The following DACH2 variants were observed in gnomAD, a reference collection of about 807,000 sequenced individuals.
DACH2 encodes the protein dachshund homolog 2.
Under a neutral mutation model 35.8 loss-of-function variants are expected in DACH2, and 17 were observed. The ratio of observed to expected loss-of-function variants is 0.48; its 90% CI spans 0.33 to 0.71. DACH2 has a LOEUF of 0.71. Ranked by LOEUF, DACH2 falls within the 30% of genes least tolerant of loss-of-function variation. The pLI is 0.02. For synonymous variants in DACH2, 195 were observed against 177.3 expected (o/e 1.10, Z -0.79); for missense variants, 469 against 472.7 (o/e 0.99, Z 0.07).
chrX:86,231,990 TCTC>T (rs2032958874), intron 1 of DACH2, among the ~76,000 whole-genome samples: 1 of 110,983 alleles, frequency 9.0e-6, no homozygotes, highest in Admixed American at 9.6e-5. Context: ...AGTTGGAACA[TCTC>T]CTGCAAACAG....
chrX:86,210,497 T>G (rs926944835), intron 1 of DACH2, among the ~76,000 whole-genome samples: 1 of 111,819 alleles, frequency 8.9e-6, no homozygotes, highest in East Asian at 2.8e-4. Flanking sequence ...AGTAGTAACT[T>G]TATTGTTGTT....
intron 1 of DACH2, among the ~76,000 whole-genome samples, chrX:86,181,556 G>A (rs2031496351): frequency 9.0e-6 from 1 of 111,591 alleles, no homozygotes; most frequent in South Asian, 3.8e-4. Flanking sequence ...TGGTGTATAT[G>A]TGCCACATTT....
rs772662061 is a variant in DACH2 at position 86,297,069 on chromosome X, A to ATATATATG, written c.489-79753_489-79752insTATATGTA. On this transcript the variant is annotated intron_variant, in intron 1 of 11. Coordinates refer to ENST00000373125, the MANE Select transcript of DACH2 (RefSeq NM_053281.3). The stretch of plus-strand genomic sequence containing the variant: ...TATATATATATATATATATATATAT[A>ATATATATG]TAATTAGAGCACTTAACACAATGAA... 8.3e-3 allele frequency among the ~76,000 whole-genome samples: 825 copies of ATATATATG among 98,877 alleles called. 5 individuals are homozygous for ATATATATG. The highest frequency in any genetic ancestry group is 0.012 in the Non-Finnish European group (575 of 48,842). 85.9% of individuals were successfully genotyped at this position (98,877 alleles called of 115,157 possible). A position where few individuals can be genotyped will look rare whatever the true frequency, so the allele number is the denominator to read the frequency against.
At chrX:86,422,766 A>C (rs938209709) in intron 2 of DACH2, among the ~76,000 whole-genome samples, 17 of 110,657 alleles carry the variant, frequency 1.5e-4, no homozygotes, top group African/African-American at 5.6e-4. Context: ...GGTCTTATTC[A>C]TTTATTCTAT....
chrX:86,278,477 A>C (rs779964925), intron 1 of DACH2, among the ~76,000 whole-genome samples: 9 of 112,212 alleles, frequency 8.0e-5, no homozygotes, highest in Admixed American at 2.8e-4. Context: ...ATGGATTCTT[A>C]TGCTACAGGA....
intron 3 of DACH2, among the ~76,000 whole-genome samples, chrX:86,546,562 C>T (rs1304114744): frequency 2.1e-5 from 2 of 96,766 alleles, no homozygotes; most frequent in Non-Finnish European, 4.1e-5. Flanking sequence ...TCACCCAGGC[C>T]GTAGTGCAAT....
chrX:86,718,981 G>A (rs1397507786), intron 6 of DACH2, among the ~76,000 whole-genome samples: 1 of 111,915 alleles, frequency 8.9e-6, no homozygotes, highest in Non-Finnish European at 1.9e-5. Context: ...AGTTCCATAT[G>A]ATTTTGAGGA....
intron 7 of DACH2, among the ~76,000 whole-genome samples, chrX:86,760,736 A>G (rs964933600): frequency 9.1e-6 from 1 of 109,866 alleles, no homozygotes; most frequent in African/African-American, 3.3e-5. Context: ...GTTGCTTAAG[A>G]ATTATTTTGT....
At chrX:86,581,555 A>G (rs927011867) in intron 3 of DACH2, among the ~76,000 whole-genome samples, 4 of 111,972 alleles carry the variant, frequency 3.6e-5, no homozygotes, top group African/African-American at 6.5e-5. Context: ...AACAGAAAAC[A>G]AAACAAAACA....
chrX:86,307,206 T>C (rs2034706793), intron 1 of DACH2, among the ~76,000 whole-genome samples: 1 of 111,866 alleles, frequency 8.9e-6, no homozygotes, highest in Non-Finnish European at 1.9e-5. Context: ...GTCTCCTGGC[T>C]TCAGAAGCAG....
At chrX:86,805,365 T>C (rs2042333732) in intron 7 of DACH2, among the ~76,000 whole-genome samples, 2 of 112,689 alleles carry the variant, frequency 1.8e-5, no homozygotes, top group East Asian at 5.7e-4. Flanking sequence ...CACAGGGCTG[T>C]GTGGCCCTGG....
chrX:86,375,824 G>T (rs898024324), intron 1 of DACH2, among the ~76,000 whole-genome samples: 4 of 109,895 alleles, frequency 3.6e-5, no homozygotes, highest in Non-Finnish European at 7.6e-5. Context: ...CAAAACAGAT[G>T]ATATTTTCAT....
At chrX:86,501,829 G>C (rs778458536) in intron 2 of DACH2, among the ~76,000 whole-genome samples, 1 of 111,297 alleles carries the variant, frequency 9.0e-6, no homozygotes, top group Non-Finnish European at 1.9e-5. Flanking sequence ...GTGCTAATTG[G>C]TAACCCTGCC....
intron 2 of DACH2, among the ~76,000 whole-genome samples, chrX:86,433,298 T>C (rs986083150): frequency 1.8e-5 from 2 of 111,669 alleles, no homozygotes; most frequent in African/African-American, 3.2e-5. Flanking sequence ...TGTAGTAAGA[T>C]CTAGACAAAT....
intron 1 of DACH2, among the ~76,000 whole-genome samples, chrX:86,214,405 T>C (rs2032521553): frequency 8.9e-6 from 1 of 112,218 alleles, no homozygotes; most frequent in Non-Finnish European, 1.9e-5. Flanking sequence ...TTGTCACCTA[T>C]GTGACTCACA....
At chrX:86,487,441 G>A (rs953928124) in intron 2 of DACH2, among the ~76,000 whole-genome samples, 4 of 111,842 alleles carry the variant, frequency 3.6e-5, no homozygotes, top group African/African-American at 1.3e-4. Flanking sequence ...CCCTGGCCAT[G>A]TGTGCCTAAG....
chrX:86,153,852 GTATTCA>G (rs2147856958), intron 1 of DACH2, among the ~76,000 whole-genome samples: 1 of 111,286 alleles, frequency 9.0e-6, no homozygotes, highest in South Asian at 3.8e-4. Context: ...ACTTTAGCTG[GTATTCA>G]TATGTGCCTC....
At chrX:86,674,722 A>T (rs1054721814) in intron 4 of DACH2, among the ~76,000 whole-genome samples, 2 of 111,827 alleles carry the variant, frequency 1.8e-5, no homozygotes, top group African/African-American at 6.5e-5. Context: ...TCATATCCAA[A>T]AACTGATGAA....
At chrX:86,572,098 T>G (rs1433256630) in intron 3 of DACH2, among the ~76,000 whole-genome samples, 1 of 109,822 alleles carries the variant, frequency 9.1e-6, no homozygotes, top group African/African-American at 3.3e-5. Flanking sequence ...TGTTGCGGGG[T>G]GCGGGGAAGG....
Sources: allele counts gnomAD v4.1 joint callset (sites outside exome capture counted in the v4.1 genomes callset), GRCh38; gene constraint gnomAD v4.1.1; transcripts MANE v1.5; gene names NCBI Gene and HGNC (gene_info 2026-07-23, HGNC 2026-07-21).